The following ERC2 variants were observed in gnomAD, a reference collection of about 807,000 sequenced individuals.
The protein encoded by ERC2 is ELKS/RAB6-interacting/CAST family member 2, also known as ERC protein 2.
Under a neutral mutation model 114.8 loss-of-function variants are expected in ERC2, and 42 were observed. That is an observed-to-expected ratio of 0.37 (90% confidence interval 0.29 to 0.47). The LOEUF is 0.47. Ranked by LOEUF, ERC2 falls within the 20% of genes least tolerant of loss-of-function variation. The probability of loss-of-function intolerance (pLI) is 0.99; values close to 1 mark genes in which losing one functional copy is unlikely to be tolerated. For missense variants in ERC2, 939 were observed against 1,150.7 expected (o/e 0.82, Z 2.66); for synonymous variants, 454 against 425.5 (o/e 1.07, Z -0.82).
At chr3:56,028,541 AT>A (rs1194840533) in intron 7 of ERC2, among the ~76,000 whole-genome samples, 1 of 152,008 alleles carries the variant, frequency 6.6e-6, no homozygotes, top group Non-Finnish European at 1.5e-5. Context: ...ACATCTACAT[AT>A]TTTATTTTCT....
At chr3:55,782,347 G>T (rs1479947434) in intron 14 of ERC2, among the ~76,000 whole-genome samples, 1 of 152,076 alleles carries the variant, frequency 6.6e-6, no homozygotes, top group Non-Finnish European at 1.5e-5. Flanking sequence ...TCTTCCCCCT[G>T]CATCCTTTTG....
At chr3:56,098,228 T>C (rs550370520) in intron 6 of ERC2, among the ~76,000 whole-genome samples, 23 of 152,328 alleles carry the variant, frequency 1.5e-4, no homozygotes, top group African/African-American at 5.3e-4. Flanking sequence ...AGTAAGGATG[T>C]TTTCAGGCCA....
chr3:56,343,411 A>G (rs1393663416), intron 2 of ERC2, among the ~76,000 whole-genome samples: 1 of 151,990 alleles, frequency 6.6e-6, no homozygotes, highest in Non-Finnish European at 1.5e-5. Context: ...TATGCCTGTA[A>G]TCTCTATGCT....
chr3:56,358,826 A>G (rs1422001861), intron 2 of ERC2, among the ~76,000 whole-genome samples: 1 of 152,224 alleles, frequency 6.6e-6, no homozygotes, highest in East Asian at 1.9e-4. Context: ...TAAGACGTTT[A>G]ATATACTACT....
At chr3:56,070,254 G>C (rs767034436) in intron 7 of ERC2, among the ~76,000 whole-genome samples, 3 of 152,116 alleles carry the variant, frequency 2.0e-5, no homozygotes, top group Admixed American at 6.5e-5. Context: ...AGTATGTAGG[G>C]AGAAAAACAG....
At chr3:55,641,136 A>C (rs934391190) in intron 17 of ERC2, among the ~76,000 whole-genome samples, 3 of 152,194 alleles carry the variant, frequency 2.0e-5, no homozygotes, top group South Asian at 2.1e-4. Flanking sequence ...CTAGAGAATG[A>C]AATCCCCTTG....
chr3:55,633,474 A>G (rs2059836565), intron 17 of ERC2, among the ~76,000 whole-genome samples: 1 of 152,288 alleles, frequency 6.6e-6, no homozygotes, highest in South Asian at 2.1e-4. Flanking sequence ...GAAAAGGTGG[A>G]AAAACACTGA....
At position 56,225,025 on chromosome 3, in the gene ERC2, T is replaced by G. The variant is rs575196424; in HGVS notation, c.1075-51505A>C. Among the ~76,000 whole-genome samples, 92 of 152,266 alleles carry G rather than the reference T, an allele frequency of 6.0e-4. 2 individuals are homozygous for G. The South Asian group carries it at 0.018, about 31-fold the overall frequency. On this transcript the variant is annotated intron_variant, in intron 3 of 17. Transcript: ENST00000288221. Reference sequence around the variant, plus strand: ...CTCCTGCCTATTCCCTTGTTCCCCCTGTCCATGTGTCCTCGGGCAAGTCCT... The same window carrying G: ...CTCCTGCCTATTCCCTTGTTCCCCCGGTCCATGTGTCCTCGGGCAAGTCCT...
intron 1 of ERC2, among the ~76,000 whole-genome samples, chr3:56,444,576 C>G (rs2107473542): frequency 6.6e-6 from 1 of 152,312 alleles, no homozygotes; most frequent in Admixed American, 6.5e-5. Context: ...TCCACTCACT[C>G]TCTTAAAAGG....
chr3:55,950,070 T>C lies in ERC2; in HGVS notation c.2403+355A>G, dbSNP rs140129914. 4.6e-3 allele frequency among the ~76,000 whole-genome samples: 703 copies of C among 152,316 alleles called. 10 individuals are homozygous for C. The highest frequency in any genetic ancestry group is 0.016 in the African/African-American group (660 of 41,566). ...ACCTTCTGTGATAATACACACACAT[T>C]TGCCTTCTTCTATTCCCAAAACAAT... On this transcript the variant is annotated intron_variant, in intron 13 of 17. Coordinates refer to ENST00000288221, the MANE Select transcript of ERC2 (RefSeq NM_015576.3).
chr3:56,106,936 C>G (rs751070236), intron 6 of ERC2, among the ~76,000 whole-genome samples: 5 of 152,166 alleles, frequency 3.3e-5, no homozygotes, highest in African/African-American at 7.2e-5. Context: ...GACCTAATCA[C>G]CACGGTGAAT....
intron 15 of ERC2, among the ~76,000 whole-genome samples, chr3:55,722,744 T>C (rs1224080795): frequency 6.6e-6 from 1 of 152,212 alleles, no homozygotes; most frequent in South Asian, 2.1e-4. Context: ...AAAATCTCTC[T>C]CTGCCTCTTG....
chr3:55,577,274 AG>A (rs1441808853), intron 17 of ERC2, among the ~76,000 whole-genome samples: 4 of 151,724 alleles, frequency 2.6e-5, no homozygotes, highest in South Asian at 2.1e-4. Context: ...GGAAAAAAAA[AG>A]AGAAAAAAAA....
At chr3:56,117,060 A>T (rs1434863288) in intron 6 of ERC2, among the ~76,000 whole-genome samples, 1 of 152,226 alleles carries the variant, frequency 6.6e-6, no homozygotes, top group African/African-American at 2.4e-5. Context: ...AGACCACAGT[A>T]GTCAAAAGAT....
At chr3:55,884,541 T>C (rs2063276648) in intron 14 of ERC2, among the ~76,000 whole-genome samples, 1 of 152,144 alleles carries the variant, frequency 6.6e-6, no homozygotes, top group Non-Finnish European at 1.5e-5. Flanking sequence ...GTAAATTCTG[T>C]ATAGCTCTGG....
intron 5 of ERC2, among the ~76,000 whole-genome samples, chr3:56,140,600 G>A (rs7646574): frequency 2.0e-5 from 3 of 152,116 alleles, no homozygotes; most frequent in South Asian, 4.2e-4. Flanking sequence ...TCTGTTCTTA[G>A]GTTTTTTGCT....
chr3:56,086,685 A>G (rs887678228), intron 6 of ERC2, among the ~76,000 whole-genome samples: 27 of 152,112 alleles, frequency 1.8e-4, no homozygotes, highest in African/African-American at 6.0e-4. Flanking sequence ...AGATAAGGCA[A>G]GAAAAAATGC....
intron 5 of ERC2, 40 bp downstream of exon 5, chr3:56,148,937 T>C (rs1451525890): frequency 6.3e-7 from 1 of 1,583,624 alleles, no homozygotes. Context: ...AACTTTCTAG[T>C]CACATTAAGA....
intron 3 of ERC2, among the ~76,000 whole-genome samples, chr3:56,224,843 C>A (rs2050148066): frequency 6.6e-6 from 1 of 152,144 alleles, no homozygotes; most frequent in Non-Finnish European, 1.5e-5. Context: ...AAACTGAATA[C>A]CCATTATGAG....
Sources: allele counts gnomAD v4.1 joint callset (sites outside exome capture counted in the v4.1 genomes callset), GRCh38; gene constraint gnomAD v4.1.1; transcripts MANE v1.5; gene names NCBI Gene and HGNC (gene_info 2026-07-23, HGNC 2026-07-21).